The following DGKI variants were observed in gnomAD, a reference collection of about 807,000 sequenced individuals.
DGKI encodes DAG kinase iota.
DGKI carries 55 observed loss-of-function variants against 147.5 expected under a neutral mutation model. The ratio of observed to expected loss-of-function variants is 0.37; its 90% CI spans 0.30 to 0.47. The LOEUF is 0.47. Ranked by LOEUF, DGKI falls within the 20% of genes least tolerant of loss-of-function variation. DGKI has a pLI of 1.00. For synonymous variants in DGKI, 469 were observed against 477.1 expected (o/e 0.98, Z 0.22); for missense variants, 1,007 against 1,323.8 (o/e 0.76, Z 3.71).
chr7:137,542,131 G>T (rs1329184601), intron 20 of DGKI, among the ~76,000 whole-genome samples: 1 of 152,194 alleles, frequency 6.6e-6, no homozygotes, highest in Non-Finnish European at 1.5e-5. Context: ...GCTGATAGGG[G>T]TGTGGAGCAA....
intron 27 of DGKI, among the ~76,000 whole-genome samples, chr7:137,449,697 A>T (rs768774015): frequency 3.3e-5 from 5 of 152,190 alleles, no homozygotes; most frequent in Admixed American, 6.5e-5. Flanking sequence ...CAAAGAAACA[A>T]CCTACATAAT....
rs770296824 is a variant in DGKI, at chr7:137,463,484, CT to C, written c.2735+4del. The C allele has an allele frequency of 9.3e-6, 15 of 1,613,610 alleles. No homozygotes were observed. Among genetic ancestry groups the C allele is most frequent in the Non-Finnish European group, 1.7e-6 (2 of 1,179,932 alleles). ...AGAGGAAAAGAACAGCAAGAGAACT[CT>C]TACTGTAGCACGCGGGAGTGGCTGA... On this transcript the variant is annotated splice_donor_region_variant and intron_variant, in intron 27 of 32. Coordinates refer to ENST00000614521, the MANE Select transcript of DGKI (RefSeq NM_001321708.2).
chr7:137,394,182 T>C (rs1811463697), intron 32 of DGKI, among the ~76,000 whole-genome samples: 1 of 152,128 alleles, frequency 6.6e-6, no homozygotes, highest in African/African-American at 2.4e-5. Flanking sequence ...ATGGCAAGCT[T>C]GTCCAACCCA....
intron 1 of DGKI, among the ~76,000 whole-genome samples, chr7:137,789,756 A>G (rs1796792699): frequency 6.6e-6 from 1 of 152,214 alleles, no homozygotes; most frequent in South Asian, 2.1e-4. Flanking sequence ...CACAAGCAAC[A>G]TTCCTATCAG....
intron 31 of DGKI, among the ~76,000 whole-genome samples, chr7:137,396,622 C>T (rs75782870): frequency 0.014 from 2,069 of 152,234 alleles, 53 homozygotes; most frequent in African/African-American, 0.048. Flanking sequence ...TGCTTCTCTT[C>T]GTCCTCCATT....
At chr7:137,532,746 A>G (rs1048460172) in intron 20 of DGKI, among the ~76,000 whole-genome samples, 15 of 152,118 alleles carry the variant, frequency 9.9e-5, no homozygotes, top group African/African-American at 3.6e-4. Context: ...CATTTAGCCA[A>G]CTGGGAGGAA....
intron 23 of DGKI, among the ~76,000 whole-genome samples, chr7:137,471,229 C>A (rs116439498): frequency 6.6e-6 from 1 of 152,062 alleles, no homozygotes; most frequent in African/African-American, 2.4e-5. Flanking sequence ...GTGGGGAAGA[C>A]ACTGGGAGTC....
chr7:137,541,791 C>A lies in DGKI; in HGVS notation c.2147+10578G>T, dbSNP rs978182856. Among the ~76,000 whole-genome samples, 3 of 151,498 alleles carry A rather than the reference C, an allele frequency of 2.0e-5. No individual in the cohort carries two copies. In the South Asian group the frequency reaches 6.3e-4, roughly 32 times the overall value. The stretch of plus-strand genomic sequence containing the variant: ...ACAGAACTAAATGCAAAATAGAAAA[C>A]CTATAAAACTTTAGGGAGAAAGCAA... On this transcript the variant is annotated intron_variant, in intron 20 of 32. Coordinates refer to ENST00000614521, the MANE Select transcript of DGKI (RefSeq NM_001321708.2).
intron 1 of DGKI, among the ~76,000 whole-genome samples, chr7:137,708,324 G>T (rs1464965722): frequency 2.0e-5 from 3 of 152,100 alleles, no homozygotes; most frequent in Non-Finnish European, 4.4e-5. Context: ...TATTAACATT[G>T]TACTCCAAAA....
Position 137,678,637 on chromosome 7 carries a change from C to T in DGKI, c.526G>A (p.Gly176Arg). The T allele has an allele frequency of 6.2e-7, 1 of 1,614,034 alleles. No homozygotes were observed. The change falls in exon 3 of 33, where the codon GGA becomes AGA. Residue 176 changes from glycine (G) to arginine (R), a missense_variant. By Grantham distance (125) the Gly-to-Arg change is moderately radical. Coordinates refer to ENST00000614521, the MANE Select transcript of DGKI (RefSeq NM_001321708.2). ...TLDWSENAVN[G>R]EHLWLETNVS... ...TTGGTCTCCAGCCACAGGTGTTCTCCATTCACGGCATTCTCCTGCAAGGAA... is the reference window on the plus strand; with the variant it reads ...TTGGTCTCCAGCCACAGGTGTTCTCTATTCACGGCATTCTCCTGCAAGGAA...
chr7:137,536,421 T>C (rs1322043505), intron 20 of DGKI, among the ~76,000 whole-genome samples: 2 of 152,048 alleles, frequency 1.3e-5, no homozygotes, highest in Non-Finnish European at 2.9e-5. Context: ...AACAGGAAGG[T>C]GAGACATGAA....
In DGKI at chr7:137,722,049, T is replaced by C. The variant is rs189823020; in HGVS notation, c.402-32047A>G. 17 of 1,594,918 alleles carry C rather than the reference T, an allele frequency of 1.1e-5. No homozygotes were observed. The East Asian group carries it at 3.6e-4, about 33-fold the overall frequency. On this transcript the variant is annotated intron_variant, in intron 1 of 32. Coordinates refer to ENST00000614521, the MANE Select transcript of DGKI (RefSeq NM_001321708.2). ...AGAAGAAACCTGAAGCCAAGAAGGC[T>C]GATGCTGGTGGCAAGGTGAAAAAGG...
At chr7:137,843,573 A>T in intron 1 of DGKI, 1 of 256,212 alleles carries the variant, frequency 3.9e-6, no homozygotes, top group Non-Finnish European at 6.1e-6. Context: ...ATTTTACTTA[A>T]CAAAGTAAAA....
At position 137,581,880 on chromosome 7, in the gene DGKI, G is replaced by T. The variant is rs761316647; in HGVS notation, c.1612C>A (p.His538Asn). 1 of 1,613,498 alleles carries T rather than the reference G, an allele frequency of 6.2e-7. No homozygotes were observed. The change falls in exon 15 of 33, where the codon CAT (histidine) becomes AAT (asparagine). Residue 538 changes from histidine (H) to asparagine (N), a missense_variant. Around this residue, in one of 5 missense-constraint regions of DGKI, gnomAD observed 224 missense variants for 382.7 expected, o/e 0.59. Transcript: ENST00000614521. ...GATTCATGGAACTCCAGTGTGACAT[G>T]GGCATCAAATCCAAGGCTGAAGTAG... Reference protein sequence around the residue: ...NNYFSLGFDAHVTLEFHESRE... With the variant: ...NNYFSLGFDANVTLEFHESRE...
chr7:137,421,352 AT>A (rs113817930), intron 28 of DGKI, among the ~76,000 whole-genome samples: 8,962 of 152,316 alleles, frequency 0.059, 691 homozygotes, highest in African/African-American at 0.18. Flanking sequence ...TTTCTCTCTA[AT>A]GACAGAATTA....
intron 10 of DGKI, among the ~76,000 whole-genome samples, chr7:137,602,104 A>C (rs706569): frequency 0.018 from 2,746 of 152,258 alleles, 95 homozygotes; most frequent in African/African-American, 0.063. Context: ...GTAACACAGG[A>C]GTTATTTTAA....
Position 137,391,002 on chromosome 7 carries a change from C to T in DGKI, c.*218G>A. 3.6e-6 allele frequency: 2 copies of T among 555,204 alleles called. No homozygotes were observed. Among genetic ancestry groups the T allele is most frequent in the Non-Finnish European group, 6.4e-6 (2 of 312,808 alleles). The allele number at this position is 555,204 out of a possible 1,614,324, so 34.4% of individuals were successfully genotyped here. A position where few individuals can be genotyped will look rare whatever the true frequency, so the allele number is the denominator to read the frequency against. Reference sequence around the variant, plus strand: ...ATTTTGTGGAACTCGTACTGTATTCCACAAATCTCCAGGTATCCTGCCTCC... The same window carrying T: ...ATTTTGTGGAACTCGTACTGTATTCTACAAATCTCCAGGTATCCTGCCTCC... On this transcript the variant is annotated 3_prime_UTR_variant, in exon 33 of 33. Transcript: ENST00000614521.
intron 30 of DGKI, among the ~76,000 whole-genome samples, chr7:137,402,785 G>T (rs1811808823): frequency 6.6e-6 from 1 of 152,120 alleles, no homozygotes; most frequent in Admixed American, 6.6e-5. Context: ...CACTGGGAAT[G>T]CTAACAGTAC....
In DGKI at chr7:137,390,902, C is replaced by T. The variant is rs1043602125; in HGVS notation, c.*318G>A. ...GGAGCAGTGCCATTTATACGAACATCCTTTGAATCTTTAAAATAAATTATA... is the reference window on the plus strand; with the variant it reads ...GGAGCAGTGCCATTTATACGAACATTCTTTGAATCTTTAAAATAAATTATA... On this transcript the variant is annotated 3_prime_UTR_variant, in exon 33 of 33. Transcript: ENST00000614521. 9.3e-6 allele frequency: 3 copies of T among 321,950 alleles called. No homozygotes were observed. The Admixed American group carries it at 1.4e-4, about 15-fold the overall frequency. 19.9% of individuals were successfully genotyped at this position (321,950 alleles called of 1,614,324 possible).
Sources: gnomAD v4.1 joint callset for allele counts (sites outside exome capture counted in the v4.1 genomes callset) on GRCh38, gnomAD v4.1.1 for gene constraint, gnomAD v4.1.1 regional missense constraint, MANE v1.5 for transcripts, NCBI Gene and HGNC (gene_info 2026-07-23, HGNC 2026-07-21) for gene names.